Variants in DNAH11 observed in about 807,000 individuals in gnomAD.
DNAH11 encodes axonemal beta dynein heavy chain 11.
In DNAH11, 442 loss-of-function variants were observed where a neutral mutation model predicts 526.0. The observed-to-expected ratio is 0.84, with a 90% CI of 0.78 to 0.91. The LOEUF is 0.91. DNAH11 is among the 40% of genes least tolerant of loss of function. DNAH11 has a pLI of 0.00. For missense variants in DNAH11, 6,989 were observed against 5,448.7 expected (o/e 1.28, Z -8.90); for synonymous variants, 2,461 against 1,935.9 (o/e 1.27, Z -7.12).
chr7:21,875,729 C>G (rs1783679109), intron 74 of DNAH11, among the ~76,000 whole-genome samples: 1 of 152,124 alleles, frequency 6.6e-6, no homozygotes, highest in Admixed American at 6.6e-5. Flanking sequence ...CCCCCAAAGC[C>G]TATGCATGAA....
In DNAH11 at chr7:21,683,846, G is replaced by A; in HGVS notation, c.5523G>A (p.Gln1841=). 1 of 1,613,570 alleles carries A rather than the reference G, an allele frequency of 6.2e-7. No individual in the cohort carries two copies. Among genetic ancestry groups the A allele is most frequent in the South Asian group, 1.1e-5 (1 of 90,978 alleles). The change falls in exon 32 of 82, where the codon CAG becomes CAA. Residue 1841 remains glutamine, a synonymous_variant. Transcript: ENST00000409508. ...TTCGTCACCGATGGGAGGATACCCA[G>A]AAACACTGCTTTGTTAATATTTGTG... ...SQLRHRWEDT[Q]KHCFVNICDA...
chr7:21,741,666 C>T (rs1400882772), intron 48 of DNAH11, among the ~76,000 whole-genome samples: 1 of 152,102 alleles, frequency 6.6e-6, no homozygotes, highest in Non-Finnish European at 1.5e-5. Flanking sequence ...TACTTTAGGG[C>T]CTGCAGAGTT....
intron 73 of DNAH11, among the ~76,000 whole-genome samples, chr7:21,872,456 C>G (rs1440910863): frequency 6.6e-6 from 1 of 152,010 alleles, no homozygotes; most frequent in Admixed American, 6.6e-5. Context: ...AAATGTTTTT[C>G]TTTGTTGGAA....
chr7:21,876,094 C>T (rs1005682305), intron 74 of DNAH11, among the ~76,000 whole-genome samples: 3 of 151,996 alleles, frequency 2.0e-5, no homozygotes, highest in African/African-American at 7.2e-5. Flanking sequence ...CCGTGTTAGC[C>T]AGGATGGTCT....
At chr7:21,762,340 A>T (rs1299122185) in intron 54 of DNAH11, among the ~76,000 whole-genome samples, 4 of 152,358 alleles carry the variant, frequency 2.6e-5, no homozygotes, top group South Asian at 4.1e-4. Context: ...TATGCCAGTT[A>T]CAAGTGTGGA....
At chr7:21,846,304 T>G (rs76419028) in intron 66 of DNAH11, among the ~76,000 whole-genome samples, 5,282 of 152,276 alleles carry the variant, frequency 0.035, 138 homozygotes, top group South Asian at 0.13. Context: ...TTCCTGATCT[T>G]AGGGCAAAAG....
intron 54 of DNAH11, among the ~76,000 whole-genome samples, chr7:21,752,695 T>TTTTTTA (rs796784230): frequency 2.0e-5 from 3 of 152,224 alleles, no homozygotes; most frequent in African/African-American, 7.2e-5. Context: ...ATCTTTTTTA[T>TTTTTTA]TTTTTATTTT....
At chr7:21,637,791 G>T in intron 27 of DNAH11, 89 bp downstream of exon 27, 1 of 734,386 alleles carries the variant, frequency 1.4e-6, no homozygotes, top group Non-Finnish European at 2.0e-6. Flanking sequence ...ACTGTGTTAT[G>T]GAGGTGCAAC....
chr7:21,825,522 G>T (rs1205696484), intron 65 of DNAH11, among the ~76,000 whole-genome samples: 1 of 152,138 alleles, frequency 6.6e-6, no homozygotes, highest in African/African-American at 2.4e-5. Flanking sequence ...AACTGAGAGA[G>T]ACTTTTATGC....
intron 45 of DNAH11, among the ~76,000 whole-genome samples, chr7:21,727,742 C>A (rs1785191919): frequency 6.6e-6 from 1 of 152,142 alleles, no homozygotes; most frequent in African/African-American, 2.4e-5. Flanking sequence ...TGCCAAATAA[C>A]AGAAAGCCCA....
rs117026725 is a variant in DNAH11 at position 21,689,425 on chromosome 7, C to T, written c.5925-1340C>T. ...AGACAGCTCTGCTCCTTCTTGACTT[C>T]ATGAGCTTATTAAATTCTCTGTACA... is the stretch of plus-strand genomic sequence containing the variant. On this transcript the variant is annotated intron_variant, in intron 34 of 81. Coordinates refer to ENST00000409508, the MANE Select transcript of DNAH11 (RefSeq NM_001277115.2). 4.4e-3 allele frequency among the ~76,000 whole-genome samples: 666 copies of T among 152,312 alleles called. 4 individuals carry two copies. Among genetic ancestry groups the T allele is most frequent in the Admixed American group, 7.3e-3 (112 of 15,302 alleles).
chr7:21,606,339 A>AT, intron 18 of DNAH11, 87 bp from the exon 19 acceptor site: 4 of 1,109,816 alleles, frequency 3.6e-6, no homozygotes, highest in Non-Finnish European at 5.2e-6. Context: ...AAAAAAAAAA[A>AT]GAAAGAAATT....
intron 74 of DNAH11, among the ~76,000 whole-genome samples, chr7:21,877,661 G>A (rs994811624): frequency 6.6e-6 from 1 of 151,936 alleles, no homozygotes; most frequent in Non-Finnish European, 1.5e-5. Context: ...GGATCACGAG[G>A]TCAGGAGATT....
chr7:21,626,294 A>C (rs752938490), intron 25 of DNAH11, among the ~76,000 whole-genome samples: 3 of 152,200 alleles, frequency 2.0e-5, no homozygotes, highest in Non-Finnish European at 4.4e-5. Flanking sequence ...GACATGATTT[A>C]ATTATTAGTT....
intron 65 of DNAH11, among the ~76,000 whole-genome samples, chr7:21,841,348 TAAAG>T (rs1375380407): frequency 1.3e-5 from 2 of 152,126 alleles, no homozygotes; most frequent in Admixed American, 6.5e-5. Flanking sequence ...ATCTTATCCT[TAAAG>T]AACTGCAACA....
chr7:21,583,278 GAC>G (rs200570112), intron 9 of DNAH11, among the ~76,000 whole-genome samples: 6,160 of 152,036 alleles, frequency 0.041, 135 homozygotes, highest in South Asian at 0.063. Context: ...CAGAAATAAT[GAC>G]ACACACATCT....
intron 61 of DNAH11, among the ~76,000 whole-genome samples, chr7:21,792,564 T>C (rs998570534): frequency 1.3e-5 from 2 of 152,188 alleles, no homozygotes; most frequent in African/African-American, 4.8e-5. Flanking sequence ...ATTGCTTCAA[T>C]CTCATTACTC....
At chr7:21,620,179 A>C (rs1785977865) in intron 25 of DNAH11, 101 bp downstream of exon 25, 1 of 1,055,824 alleles carries the variant, frequency 9.5e-7, no homozygotes, top group African/African-American at 1.6e-5. Flanking sequence ...GTATGTTTAC[A>C]ATGTGGAAAG....
chr7:21,636,274 A>G (rs1047180944), intron 26 of DNAH11, among the ~76,000 whole-genome samples, 179 bp downstream of exon 26: 5 of 152,206 alleles, frequency 3.3e-5, no homozygotes, highest in African/African-American at 9.7e-5. Flanking sequence ...CAGCCTGTCT[A>G]ACACCTTCTG....
Sources: gnomAD v4.1 joint callset for allele counts (sites outside exome capture counted in the v4.1 genomes callset) on GRCh38, gnomAD v4.1.1 for gene constraint, MANE v1.5 for transcripts, NCBI Gene and HGNC (gene_info 2026-07-23, HGNC 2026-07-21) for gene names.